Variants in MACROH2A1 observed in about 807,000 individuals in gnomAD.
MACROH2A1 encodes the protein macroH2A.1 histone, also known as core histone macro-H2A.1.
MACROH2A1 carries 2 observed loss-of-function variants against 31.6 expected under a neutral mutation model. That is an observed-to-expected ratio of 0.06 (90% CI 0.03 to 0.20). The LOEUF is 0.20. Ranked by LOEUF, MACROH2A1 falls within the 10% of genes least tolerant of loss-of-function variation. The probability of loss-of-function intolerance (pLI) is 1.00; values close to 1 mark genes in which losing one functional copy is unlikely to be tolerated. For synonymous variants in MACROH2A1, 169 were observed against 189.6 expected, an observed-to-expected ratio of 0.89 and a Z score of 0.89; for missense variants, 230 against 474.0, an observed-to-expected ratio of 0.49 and a Z score of 4.78.
At chr5:135,375,793 G>A (rs1030939740) in intron 2 of MACROH2A1, among the ~76,000 whole-genome samples, 2 of 152,208 alleles carry the variant, frequency 1.3e-5, no homozygotes, top group South Asian at 2.1e-4. Flanking sequence ...AACATGACAA[G>A]GAATCTGTTT....
intron 4 of MACROH2A1, among the ~76,000 whole-genome samples, chr5:135,366,498 A>G (rs1010734309): frequency 1.6e-4 from 25 of 152,140 alleles, no homozygotes; most frequent in Admixed American, 6.5e-5. Flanking sequence ...AAGATCATGC[A>G]GCTAGGAAAT....
At chr5:135,392,204 G>GTTCCCA (rs1487511342) in intron 1 of MACROH2A1, among the ~76,000 whole-genome samples, 100 of 152,290 alleles carry the variant, frequency 6.6e-4, no homozygotes, top group African/African-American at 2.3e-3. Context: ...ACTGCTCCAT[G>GTTCCCA]TTCCCATAGT....
Position 135,369,514 on chromosome 5 carries a change from C to G in MACROH2A1, c.369G>C (p.Lys123Asn). 6.2e-7 allele frequency: 1 copy of G among 1,614,146 alleles called. No individual in the cohort carries two copies. Reference protein sequence around the residue: ...LLAKKRGSKGKLEAIITPPPA... With the variant: ...LLAKKRGSKGNLEAIITPPPA... ...GGGGTGGTGTGATGATGGCTTCCAA[C>G]TTTCCTTTGGATCCCCGCTTCTTCG... The change falls in exon 4 of 9, where the codon AAG (lysine) becomes AAC (asparagine). Residue 123 changes from lysine (K) to asparagine (N), a missense_variant. Coordinates refer to ENST00000511689, the MANE Select transcript of MACROH2A1 (RefSeq NM_138610.3). This position sits in a 1 kb window ranked among gnomAD's most constrained non-coding sequence, Gnocchi z 4.3.
intron 7 of MACROH2A1, 147 bp from the exon 8 acceptor site, chr5:135,343,581 GCGT>G: frequency 7.9e-7 from 1 of 1,267,914 alleles, no homozygotes; most frequent in Non-Finnish European, 1.1e-6. Context: ...GCTGTCTGCT[GCGT>G]TGTGATTCCA....
intron 6 of MACROH2A1, among the ~76,000 whole-genome samples, chr5:135,352,127 T>C (rs56766954): frequency 0.026 from 4,009 of 152,272 alleles, 172 homozygotes; most frequent in African/African-American, 0.092. Context: ...GGATACAAAA[T>C]AGATTGCAGT....
intron 7 of MACROH2A1, 137 bp downstream of exon 7, chr5:135,345,831 C>T (rs1760748956): frequency 3.1e-6 from 2 of 637,106 alleles, no homozygotes; most frequent in African/African-American, 1.8e-5. Flanking sequence ...TGTAAAGCTA[C>T]AGGCTGTCCT....
chr5:135,338,239 G>C (rs1266778133), intron 8 of MACROH2A1, among the ~76,000 whole-genome samples: 2 of 152,204 alleles, frequency 1.3e-5, no homozygotes, highest in Non-Finnish European at 1.5e-5. Flanking sequence ...CTCCCTCCAG[G>C]GTAGAGAAGC....
chr5:135,382,885 T>C (rs1215240194), intron 2 of MACROH2A1, among the ~76,000 whole-genome samples: 1 of 152,208 alleles, frequency 6.6e-6, no homozygotes, highest in East Asian at 1.9e-4. Context: ...ATGGACTCTT[T>C]AGGAGGACCA....
At chr5:135,348,628 C>A (rs1478942361) in intron 6 of MACROH2A1, among the ~76,000 whole-genome samples, 1 of 152,208 alleles carries the variant, frequency 6.6e-6, no homozygotes, top group Non-Finnish European at 1.5e-5. Flanking sequence ...GGAGCTGGAA[C>A]CAATTGAGGC....
At chr5:135,341,992 C>T (rs1019813228) in intron 8 of MACROH2A1, among the ~76,000 whole-genome samples, 15 of 152,222 alleles carry the variant, frequency 9.9e-5, no homozygotes, top group African/African-American at 3.1e-4. Flanking sequence ...GTACTCTGTC[C>T]AAAGCAAGCC....
intron 4 of MACROH2A1, chr5:135,362,002 C>T (rs1762899954): frequency 6.6e-6 from 1 of 152,106 alleles, no homozygotes; most frequent in Non-Finnish European, 1.5e-5. Flanking sequence ...TTTTGATTTT[C>T]CTACTGAGTG....
chr5:135,343,145 C>T (rs940156402), intron 8 of MACROH2A1, 115 bp downstream of exon 8: 16 of 1,589,336 alleles, frequency 1.0e-5, no homozygotes, highest in Non-Finnish European at 1.4e-5. Context: ...TTCTGGTCTC[C>T]TTGGTTAAGG....
At chr5:135,345,236 C>A (rs1760635734) in intron 7 of MACROH2A1, 1 of 152,032 alleles carries the variant, frequency 6.6e-6, no homozygotes. Context: ...CCTGGTGGAC[C>A]CTCCGAGAGA....
chr5:135,360,229 C>T (rs1042075499), intron 5 of MACROH2A1: 4 of 497,610 alleles, frequency 8.0e-6, no homozygotes, highest in African/African-American at 1.9e-5. Flanking sequence ...TCCAGACTAA[C>T]CAAGGGTCCC....
rs201476596 is a variant in MACROH2A1, at chr5:135,343,444, C to A, written c.779-10G>T. The stretch of plus-strand genomic sequence containing the variant: ...CCTGCGCTGACAGCAGCTAGTGGTG[C>A]GGGGATGAAACAGAAACAGTGAGCT... On this transcript the variant is annotated splice_polypyrimidine_tract_variant and intron_variant, in intron 7 of 8. Coordinates refer to ENST00000511689, the MANE Select transcript of MACROH2A1 (RefSeq NM_138610.3). The A allele has an allele frequency of 1.2e-6, 2 of 1,612,862 alleles. No individual in the cohort carries two copies. Among genetic ancestry groups the A allele is most frequent in the African/African-American group, 1.3e-5 (1 of 74,988 alleles).
chr5:135,383,700 G>GGGGTGT (rs781418165), intron 2 of MACROH2A1, among the ~76,000 whole-genome samples: 4 of 137,150 alleles, frequency 2.9e-5, no homozygotes, highest in African/African-American at 8.6e-5. Context: ...GATGTGGTGT[G>GGGGTGT]GTGTGTGTGT....
intron 2 of MACROH2A1, among the ~76,000 whole-genome samples, chr5:135,372,537 G>A (rs1764301651): frequency 6.6e-6 from 1 of 152,238 alleles, no homozygotes. Context: ...GGCCCACCTT[G>A]GCCAAGCCAA....
chr5:135,371,374 T>C (rs1489961980), intron 2 of MACROH2A1, among the ~76,000 whole-genome samples: 1 of 152,220 alleles, frequency 6.6e-6, no homozygotes, highest in Non-Finnish European at 1.5e-5. Context: ...ATATGTAAGG[T>C]GATGAAATCA....
At position 135,395,091 on chromosome 5, in the gene MACROH2A1, G is replaced by A. The variant is rs190837427; in HGVS notation, c.-34+3971C>T. On this transcript the variant is annotated intron_variant, in intron 1 of 8. Transcript: ENST00000511689. ...AAGGAACACTCCAATTGCCCTGATAGCTGGGCATAAGGCACACTGAGGCCT... is the reference window on the plus strand; with the variant it reads ...AAGGAACACTCCAATTGCCCTGATAACTGGGCATAAGGCACACTGAGGCCT... Among the ~76,000 whole-genome samples, 9 of 152,286 alleles carry A rather than the reference G, an allele frequency of 5.9e-5. No individual in the cohort carries two copies. The East Asian group carries it at 1.7e-3, about 29-fold the overall frequency.
Sources: allele counts gnomAD v4.1 joint callset (sites outside exome capture counted in the v4.1 genomes callset), GRCh38; gene constraint gnomAD v4.1.1; non-coding constraint Gnocchi (gnomAD v3.1); transcripts MANE v1.5; gene names NCBI Gene and HGNC (gene_info 2026-07-23, HGNC 2026-07-21).